The following SYNPO variants were observed in gnomAD, a reference collection of about 807,000 sequenced individuals.
SYNPO encodes the protein synaptopodin.
SYNPO carries 19 observed loss-of-function variants against 49.5 expected under a neutral mutation model. The observed-to-expected ratio is 0.38, with a 90% CI of 0.27 to 0.56. The LOEUF (loss-of-function observed/expected upper bound fraction) is 0.56, where lower values mean the gene tolerates loss of function less well. Ranked by LOEUF, SYNPO falls within the 20% of genes least tolerant of loss-of-function variation. SYNPO has a pLI of 0.68. For synonymous variants in SYNPO, 536 were observed against 548.0 expected, an observed-to-expected ratio of 0.98 and a Z score of 0.31; for missense variants, 1,131 against 1,248.3, an observed-to-expected ratio of 0.91 and a Z score of 1.42.
At chr5:150,634,827 AACACACACACAC>A (rs202176402) in intron 2 of SYNPO, among the ~76,000 whole-genome samples, 4 of 124,762 alleles carry the variant, frequency 3.2e-5, no homozygotes, top group Non-Finnish European at 4.9e-5. Flanking sequence ...CCCTGTCTAA[AACACACACACAC>A]ACACACACAC....
Position 150,648,183 on chromosome 5 carries a change from G to A in SYNPO, c.-93G>A, listed in dbSNP as rs1352800737. 1.3e-5 allele frequency: 20 copies of A among 1,575,202 alleles called. No individual in the cohort carries two copies. Among genetic ancestry groups the A allele is most frequent in the Non-Finnish European group, 1.7e-5 (20 of 1,159,812 alleles). ...TTCAAGCCTCCCAGGCCATGCACCG[G>A]GGCTCAGCCTGAGTTCCACCTCGCT... On this transcript the variant is annotated 5_prime_UTR_variant, in exon 2 of 3. Coordinates refer to ENST00000307662, the MANE Select transcript of SYNPO (RefSeq NM_007286.6). This position sits in a 1 kb window ranked among gnomAD's most constrained non-coding sequence, Gnocchi z 5.0.
At chr5:150,598,195 C>A (rs1362300095), upstream of SYNPO, among the ~76,000 whole-genome samples, 2 of 152,106 alleles carry the variant, frequency 1.3e-5, no homozygotes, top group African/African-American at 4.8e-5. Flanking sequence ...AGAGTTTAAC[C>A]AGGACCTCTC....
chr5:150,608,728 C>T (rs986317988), intron 1 of SYNPO, among the ~76,000 whole-genome samples: 8 of 152,080 alleles, frequency 5.3e-5, no homozygotes, highest in Admixed American at 6.5e-5. Flanking sequence ...CTTCAAAATA[C>T]GCTGATCCCA....
At chr5:150,592,038 G>T in the SYNPO span, among the ~76,000 whole-genome samples, 3 of 152,172 alleles carry the variant, frequency 2.0e-5, no homozygotes, top group Non-Finnish European at 4.4e-5. Context: ...GGTGGCGCAT[G>T]CCTATAATCC....
At chr5:150,590,575 G>A in the SYNPO span, among the ~76,000 whole-genome samples, 721 of 152,292 alleles carry the variant, frequency 4.7e-3, no homozygotes, top group Middle Eastern at 0.027. Context: ...AGTCTTTTGG[G>A]GCTGATACTG....
chr5:150,602,386 C>T (rs996305461), intron 1 of SYNPO, among the ~76,000 whole-genome samples: 1 of 152,156 alleles, frequency 6.6e-6, no homozygotes, highest in Non-Finnish European at 1.5e-5. Context: ...GCCCATGAGA[C>T]GGTGCCATGT....
At position 150,649,591 on chromosome 5, in the gene SYNPO, GGGCCAGCCCCGC is replaced by G; in HGVS notation, c.1320_1331del (p.Ser441_Ala444del). On this transcript the variant is annotated inframe_deletion, in exon 2 of 3. Transcript: ENST00000307662. The stretch of plus-strand genomic sequence containing the variant: ...CAGCAGGAGCCAGCACCTCGTGACA[GGGCCAGCCCCGC>G]GGCGGCGGAGGAGGTGGTACCAGAG... The G allele has an allele frequency of 1.9e-6, 3 of 1,610,170 alleles. No individual in the cohort carries two copies. The highest frequency in any genetic ancestry group is 2.5e-6 in the Non-Finnish European group (3 of 1,178,778).
In SYNPO at chr5:150,649,882, C is replaced by T. The variant is rs1330101753; in HGVS notation, c.1607C>T (p.Pro536Leu). 2 of 1,609,856 alleles carry T rather than the reference C, an allele frequency of 1.2e-6. No individual in the cohort carries two copies. The highest frequency in any genetic ancestry group is 2.7e-5 in the African/African-American group (2 of 75,050). Residue 536 changes from proline to leucine, a missense_variant, in exon 2 of 3, where the codon CCA becomes CTA. Transcript: ENST00000307662. Reference protein sequence around the residue: ...PGAFRVASRSPARTPPASLYH... With the variant: ...PGAFRVASRSLARTPPASLYH... ...GCCTTCCGAGTGGCATCCCGAAGCCCAGCCCGGACCCCGCCTGCCTCCCTC... is the reference window on the plus strand; with the variant it reads ...GCCTTCCGAGTGGCATCCCGAAGCCTAGCCCGGACCCCGCCTGCCTCCCTC...
intron 1 of SYNPO, among the ~76,000 whole-genome samples, chr5:150,610,283 C>T (rs1479007353): frequency 6.6e-6 from 1 of 152,196 alleles, no homozygotes; most frequent in Admixed American, 6.5e-5. Context: ...GCCACAGTCA[C>T]AGGCACGGCA....
intron 1 of SYNPO, among the ~76,000 whole-genome samples, chr5:150,605,966 A>C (rs1756682675): frequency 2.6e-5 from 4 of 152,158 alleles, no homozygotes; most frequent in Admixed American, 2.6e-4. Context: ...ACAAAGATAC[A>C]CACAAAGAAA....
chr5:150,594,016 AG>A, the SYNPO span, among the ~76,000 whole-genome samples: 2 of 152,184 alleles, frequency 1.3e-5, no homozygotes, highest in South Asian at 2.1e-4. Flanking sequence ...GACATGGGGC[AG>A]GGGGTGTCCC....
At chr5:150,613,565 A>G (rs1333001003) in intron 1 of SYNPO, among the ~76,000 whole-genome samples, 1 of 152,240 alleles carries the variant, frequency 6.6e-6, no homozygotes, top group Non-Finnish European at 1.5e-5. Flanking sequence ...GGAGCCATGG[A>G]ATGCTCTTGA....
upstream of SYNPO, among the ~76,000 whole-genome samples, chr5:150,597,140 C>G (rs896442883): frequency 1.3e-5 from 2 of 152,246 alleles, no homozygotes; most frequent in East Asian, 3.9e-4. Flanking sequence ...CCTGTTTCTT[C>G]AAGTCTCCAT....
In SYNPO at chr5:150,649,412, CAT is replaced by C. The variant is rs1349421324; in HGVS notation, c.1138_1139del (p.Met380ValfsTer24). On this transcript the variant is annotated frameshift_variant, in exon 2 of 3. Coordinates refer to ENST00000307662, the MANE Select transcript of SYNPO (RefSeq NM_007286.6). LOFTEE classifies it high-confidence loss of function. ...SMARRGSRKS[M>X]FTFVEKPKVT... ...TGGCCCGCCGGGGCAGCCGCAAATC[CAT>C]GTTTACTTTCGTGGAGAAGCCCAAG... 6.2e-7 allele frequency: 1 copy of C among 1,614,110 alleles called. No individual in the cohort carries two copies.
the SYNPO span, among the ~76,000 whole-genome samples, chr5:150,595,210 AT>A: frequency 5.3e-5 from 8 of 152,226 alleles, no homozygotes; most frequent in Non-Finnish European, 7.3e-5. Context: ...AATGAAGGGG[AT>A]TTGCACATCT....
At chr5:150,653,208 A>G in intron 2 of SYNPO, 1 of 151,824 alleles carries the variant, frequency 6.6e-6, no homozygotes, top group East Asian at 1.9e-4. Flanking sequence ...TACTGTGCAC[A>G]CCCCCGACTC....
chr5:150,624,992 CAGG>C (rs1757305894), intron 2 of SYNPO: 1 of 984,098 alleles, frequency 1.0e-6, no homozygotes, highest in Non-Finnish European at 1.2e-6. Context: ...CGGCGCCGCC[CAGG>C]AGGAGGTGGC....
rs1201077353 is a variant in SYNPO at position 150,634,842 on chromosome 5, ACACACACACACACACACACAC to A, written c.401-13085_401-13065del. On this transcript the variant is annotated intron_variant, in intron 2 of 2. Transcript: ENST00000394243. Reference sequence around the variant, plus strand: ...CCCTGTCTAAAACACACACACACACACACACACACACACACACACACCACACACACACACACAAAGGGGACA... The same window carrying A: ...CCCTGTCTAAAACACACACACACACACACACACACACACACAAAGGGGACA... Among the ~76,000 whole-genome samples, 641 of 111,362 alleles carry A rather than the reference ACACACACACACACACACACAC, an allele frequency of 5.8e-3. 2 individuals are homozygous for A. The highest frequency in any genetic ancestry group is 0.013 in the South Asian group (50 of 3,942). The allele number at this position is 111,362 out of a possible 152,430, so 73.1% of individuals were successfully genotyped here. A position where few individuals can be genotyped will look rare whatever the true frequency, so the allele number is the denominator to read the frequency against.
intron 1 of SYNPO, among the ~76,000 whole-genome samples, chr5:150,616,726 C>G (rs1295939808): frequency 6.6e-6 from 1 of 152,168 alleles, no homozygotes; most frequent in Non-Finnish European, 1.5e-5. Flanking sequence ...GTCACCAGAG[C>G]TAGGAACCTG....
Sources: gnomAD v4.1 joint callset for allele counts (sites outside exome capture counted in the v4.1 genomes callset) on GRCh38, gnomAD v4.1.1 for gene constraint, Gnocchi (gnomAD v3.1) non-coding constraint, MANE v1.5 for transcripts, NCBI Gene and HGNC (gene_info 2026-07-23, HGNC 2026-07-21) for gene names.